Variants in CDK12 observed in about 807,000 individuals in gnomAD.
CDK12 encodes cyclin-dependent kinase 12.
Under a neutral mutation model 133.8 loss-of-function variants are expected in CDK12, and 17 were observed. That is an observed-to-expected ratio of 0.13 (90% CI 0.09 to 0.19). The LOEUF (loss-of-function observed/expected upper bound fraction) is 0.19, where lower values mean the gene tolerates loss of function less well. Among genes scored for constraint, CDK12 ranks in the 10% least tolerant of loss-of-function variants. The pLI, the probability that CDK12 is intolerant of heterozygous loss-of-function variation, is 1.00. For synonymous variants in CDK12, 694 were observed against 683.6 expected (o/e 1.02, Z -0.24); for missense variants, 1,508 against 1,818.7 (o/e 0.83, Z 3.11).
chr17:39,526,187 G>T lies in CDK12; in HGVS notation c.3631G>T (p.Ala1211Ser), dbSNP rs1279469241. 1.2e-6 allele frequency: 2 copies of T among 1,613,950 alleles called. No homozygotes were observed. Among genetic ancestry groups the T allele is most frequent in the African/African-American group, 1.3e-5 (1 of 74,864 alleles). ...STPADMQNIL[A>S]VLLSQLMKTQ... ...ACCAGCTGACATGCAGAATATATTG[G>T]CAGTTCTCTTGAGTCAGCTGATGAA... Residue 1211 changes from alanine to serine, a missense_variant, in exon 13 of 14, where the codon GCA becomes TCA. By Grantham distance (99) the Ala-to-Ser change is moderately conservative. Coordinates refer to ENST00000447079, the MANE Select transcript of CDK12 (RefSeq NM_016507.4).
intron 2 of CDK12, among the ~76,000 whole-genome samples, chr17:39,474,108 G>A (rs1014315355): frequency 6.6e-6 from 1 of 152,154 alleles, no homozygotes; most frequent in Non-Finnish European, 1.5e-5. Flanking sequence ...AACTAGGCAA[G>A]TACCACCAAA....
chr17:39,530,278 G>T, intron 13 of CDK12: 1 of 226,474 alleles, frequency 4.4e-6, no homozygotes, highest in Non-Finnish European at 8.9e-6. Context: ...CCATCTAACA[G>T]CAAAAAGGGG....
In CDK12 at chr17:39,562,901, TC is replaced by T. The variant is rs1223436234; in HGVS notation, n.485-1858del. On this transcript the variant is annotated intron_variant and non_coding_transcript_variant, in intron 3 of 3. Transcript: ENST00000558240. Reference sequence around the variant, plus strand: ...TTCTCCTTTTTTTTTCTTTTTCTTTTCTTTTTTTTTTTTTTTTTTTTTTACA... The same window carrying T: ...TTCTCCTTTTTTTTTCTTTTTCTTTTTTTTTTTTTTTTTTTTTTTTTTACA... Among the ~76,000 whole-genome samples, 564 of 132,096 alleles carry T rather than the reference TC, an allele frequency of 4.3e-3. 3 individuals carry two copies. Among genetic ancestry groups the T allele is most frequent in the Non-Finnish European group, 6.9e-3 (438 of 63,654 alleles). The allele number at this position is 132,096 out of a possible 152,430, so 86.7% of individuals were successfully genotyped here.
intron 7 of CDK12, among the ~76,000 whole-genome samples, chr17:39,510,114 C>CTTTTTT (rs762953806): frequency 8.8e-5 from 11 of 125,480 alleles, no homozygotes; most frequent in African/African-American, 2.6e-4. Context: ...CAATCTCTCT[C>CTTTTTT]TTTTTTTTTT....
chr17:39,494,407 G>T (rs548664065), intron 4 of CDK12, 117 bp from the exon 5 acceptor site: 9 of 790,474 alleles, frequency 1.1e-5, no homozygotes, highest in East Asian at 1.1e-4. Flanking sequence ...TAAGTATCTC[G>T]TGTAAGCATT....
At position 39,496,165 on chromosome 17, in the gene CDK12, C is replaced by T. The variant is rs372236340; in HGVS notation, c.2419+1471C>T. On this transcript the variant is annotated intron_variant, in intron 5 of 13. Transcript: ENST00000447079. ...GACCTCAGGCAGTCATCCACCTCAG[C>T]CTGCCAAAGAGCAGGGATGACAAGG... 5.9e-5 allele frequency among the ~76,000 whole-genome samples: 9 copies of T among 152,240 alleles called. No individual in the cohort carries two copies. In the East Asian group the frequency reaches 1.4e-3, roughly 23 times the overall value.
rs1366908585 is a variant in CDK12, at chr17:39,462,602, C to G, written c.531C>G (p.Ser177=). 1 of 1,614,040 alleles carries G rather than the reference C, an allele frequency of 6.2e-7. No individual in the cohort carries two copies. Among genetic ancestry groups the G allele is most frequent in the African/African-American group, 1.3e-5 (1 of 75,004 alleles). The change falls in exon 1 of 14, where the codon TCC becomes TCG. Residue 177 remains serine, a synonymous_variant. Transcript: ENST00000447079. Reference sequence around the variant, plus strand: ...GCAGCAGCAAGGAATCCAGGTCATCCAAGCTCCACAAGGAGAAGACCAGGA... The same window carrying G: ...GCAGCAGCAAGGAATCCAGGTCATCGAAGCTCCACAAGGAGAAGACCAGGA... ...AKSSSKESRS[S]KLHKEKTRKE... is the part of the protein sequence containing the mutation.
intron 12 of CDK12, 72 bp downstream of exon 12, chr17:39,524,957 AG>A: frequency 7.6e-7 from 1 of 1,311,466 alleles, no homozygotes; most frequent in Non-Finnish European, 1.1e-6. Context: ...AAGTGTAAGG[AG>A]TTTGTGTGTG....
At chr17:39,519,875 T>C in intron 10 of CDK12, 81 bp from the exon 11 acceptor site, 1 of 1,547,858 alleles carries the variant, frequency 6.5e-7, no homozygotes, top group East Asian at 2.3e-5. Context: ...ATTACAGGTG[T>C]GAGACCCTTT....
chr17:39,480,045 G>A (rs1229006225), intron 2 of CDK12, among the ~76,000 whole-genome samples: 2 of 150,782 alleles, frequency 1.3e-5, no homozygotes, highest in African/African-American at 4.9e-5. Flanking sequence ...TGCCTCAGCT[G>A]CCTGAGTAGC....
At chr17:39,557,613 A>G (rs1048210599) in intron 3 of CDK12, among the ~76,000 whole-genome samples, 5 of 152,184 alleles carry the variant, frequency 3.3e-5, no homozygotes, top group Non-Finnish European at 5.9e-5. Context: ...AAACTTACTC[A>G]TGGGATGAAA....
At chr17:39,511,438 T>C in intron 7 of CDK12, 91 bp from the exon 8 acceptor site, 1 of 790,506 alleles carries the variant, frequency 1.3e-6, no homozygotes, top group Non-Finnish European at 2.1e-6. Flanking sequence ...CATCTTCATT[T>C]GGCACCTATT....
In CDK12 at chr17:39,472,735, C is replaced by T. The variant is rs550591814; in HGVS notation, c.1931+972C>T. On this transcript the variant is annotated intron_variant, in intron 2 of 13. Transcript: ENST00000447079. Reference sequence around the variant, plus strand: ...CTATATAATTACAATATCTTCATCACCCTGAAAAATTTAACATTGACTTAG... The same window carrying T: ...CTATATAATTACAATATCTTCATCATCCTGAAAAATTTAACATTGACTTAG... Among the ~76,000 whole-genome samples the T allele has an allele frequency of 2.6e-4, 40 of 152,128 alleles. 1 individual carries two copies. The South Asian group carries it at 8.1e-3, about 31-fold the overall frequency.
At chr17:39,517,584 T>C (rs982261259) in intron 10 of CDK12, 28 bp downstream of exon 10, 1 of 1,355,666 alleles carries the variant, frequency 7.4e-7, no homozygotes, top group African/African-American at 1.4e-5. Flanking sequence ...GAACATCTCG[T>C]TTCTGTGTCT....
At chr17:39,467,088 C>T (rs191706998) in intron 1 of CDK12, among the ~76,000 whole-genome samples, 2,124 of 152,176 alleles carry the variant, frequency 0.014, 23 homozygotes, top group Non-Finnish European at 0.019. Flanking sequence ...AAGCGATTCT[C>T]CTGCCTCAGC....
chr17:39,487,420 T>G (rs2145741549), intron 2 of CDK12, among the ~76,000 whole-genome samples: 1 of 152,228 alleles, frequency 6.6e-6, no homozygotes, highest in Non-Finnish European at 1.5e-5. Context: ...GCACCAATAT[T>G]TTCCTTTATA....
chr17:39,497,487 G>T (rs1337112604), intron 5 of CDK12, among the ~76,000 whole-genome samples: 1 of 151,062 alleles, frequency 6.6e-6, no homozygotes, highest in Admixed American at 6.6e-5. Flanking sequence ...AGATTGCAGT[G>T]AGCCGAGATT....
chr17:39,539,658 A>G (rs1035506024), intron 1 of CDK12, among the ~76,000 whole-genome samples: 40 of 152,212 alleles, frequency 2.6e-4, no homozygotes, highest in African/African-American at 9.4e-4. Context: ...GAGAGAGGTC[A>G]GTCTTACAGC....
chr17:39,464,446 G>A (rs1351410952), intron 1 of CDK12, among the ~76,000 whole-genome samples: 1 of 149,202 alleles, frequency 6.7e-6, no homozygotes, highest in Non-Finnish European at 1.5e-5. Context: ...CTGTTGCCCA[G>A]GATGGTCTTG....
Sources: allele counts gnomAD v4.1 joint callset (sites outside exome capture counted in the v4.1 genomes callset), GRCh38; gene constraint gnomAD v4.1.1; transcripts MANE v1.5; gene names NCBI Gene and HGNC (gene_info 2026-07-23, HGNC 2026-07-21).